GRK3: variants seen among roughly 807,000 people sequenced by gnomAD.
GRK3 encodes G protein-coupled receptor kinase 3.
In GRK3, 54 loss-of-function variants were observed where a neutral mutation model predicts 95.7. The observed-to-expected ratio is 0.56, with a 90% CI of 0.45 to 0.71. The LOEUF is 0.71. Ranked by LOEUF, GRK3 falls within the 30% of genes least tolerant of loss-of-function variation. The probability of loss-of-function intolerance (pLI) is 0.00; values close to 1 mark genes in which losing one functional copy is unlikely to be tolerated. For synonymous variants in GRK3, 281 were observed against 290.8 expected, an observed-to-expected ratio of 0.97 and a Z score of 0.34; for missense variants, 649 against 851.2, an observed-to-expected ratio of 0.76 and a Z score of 2.96.
At chr22:25,641,413 T>C (rs1199664100) in intron 2 of GRK3, among the ~76,000 whole-genome samples, 1 of 152,204 alleles carries the variant, frequency 6.6e-6, no homozygotes, top group Non-Finnish European at 1.5e-5. Context: ...CTGAGCTCTG[T>C]CTTTGTTACA....
At chr22:25,581,920 GCTTT>G (rs1377000661) in intron 1 of GRK3, among the ~76,000 whole-genome samples, 8 of 152,028 alleles carry the variant, frequency 5.3e-5, no homozygotes, top group Non-Finnish European at 8.8e-5. Context: ...TATGTTAACA[GCTTT>G]CTATTTTTAA....
intron 2 of GRK3, among the ~76,000 whole-genome samples, chr22:25,633,115 C>A (rs2084675844): frequency 6.6e-6 from 1 of 151,788 alleles, no homozygotes; most frequent in South Asian, 2.1e-4. Flanking sequence ...CAGGGTGTCA[C>A]CATGTTGGCT....
At chr22:25,648,583 TA>T (rs1423133458) in intron 3 of GRK3, 2 of 1,292,228 alleles carry the variant, frequency 1.5e-6, no homozygotes, top group Non-Finnish European at 2.2e-6. Context: ...ATGAAAAAAA[TA>T]AGACATGGTA....
intron 3 of GRK3, 40 bp downstream of exon 3, chr22:25,644,705 G>C (rs200176839): frequency 4.7e-4 from 506 of 1,070,646 alleles, no homozygotes; most frequent in Middle Eastern, 7.4e-4. Flanking sequence ...TCTTTCAAAA[G>C]CATATTTAAA....
At chr22:25,592,319 TA>T (rs2146328739) in intron 1 of GRK3, among the ~76,000 whole-genome samples, 1 of 152,362 alleles carries the variant, frequency 6.6e-6, no homozygotes, top group South Asian at 2.1e-4. Flanking sequence ...GCCCATTTTT[TA>T]TTAGGTTATT....
intron 2 of GRK3, among the ~76,000 whole-genome samples, chr22:25,611,831 C>CTTTTTTT (rs752711382): frequency 1.7e-5 from 2 of 118,774 alleles, no homozygotes; most frequent in Non-Finnish European, 3.5e-5. Context: ...AGTTTAGTGT[C>CTTTTTTT]TTTTTTTTTT....
intron 1 of GRK3, among the ~76,000 whole-genome samples, chr22:25,594,932 C>T (rs5761137): frequency 0.023 from 3,446 of 151,968 alleles, 61 homozygotes; most frequent in Middle Eastern, 0.068. Context: ...ATATGATCAT[C>T]TCAATAGACG....
intron 2 of GRK3, among the ~76,000 whole-genome samples, chr22:25,631,783 TTTCTG>T (rs1431950467): frequency 6.6e-6 from 1 of 152,200 alleles, no homozygotes; most frequent in Non-Finnish European, 1.5e-5. Flanking sequence ...ATGGACCTGT[TTTCTG>T]TTCCTGTGAT....
intron 2 of GRK3, among the ~76,000 whole-genome samples, chr22:25,607,285 A>C (rs375105702): frequency 7.0e-6 from 1 of 142,182 alleles, no homozygotes; most frequent in African/African-American, 2.7e-5. Context: ...CCCAAACGTG[A>C]AATTTATCAT....
intron 12 of GRK3, among the ~76,000 whole-genome samples, chr22:25,694,715 G>C (rs551167601): frequency 1.3e-5 from 2 of 152,076 alleles, no homozygotes; most frequent in Admixed American, 1.3e-4. Context: ...GGTCCACAGC[G>C]CCGCAGCGTG....
At chr22:25,647,180 C>T (rs1437611118) in intron 3 of GRK3, 1 of 157,842 alleles carries the variant, frequency 6.3e-6, no homozygotes, top group Non-Finnish European at 1.4e-5. Context: ...CCGGGCCTCA[C>T]CTCCACCCAC....
At chr22:25,582,841 A>G (rs1932149460) in intron 1 of GRK3, among the ~76,000 whole-genome samples, 1 of 152,210 alleles carries the variant, frequency 6.6e-6, no homozygotes, top group Non-Finnish European at 1.5e-5. Context: ...AATACAAAAA[A>G]GGAATATATT....
At chr22:25,686,099 A>G (rs1030216678) in intron 10 of GRK3, among the ~76,000 whole-genome samples, 3 of 151,630 alleles carry the variant, frequency 2.0e-5, no homozygotes, top group Admixed American at 1.3e-4. Context: ...GTGGGCGCCT[A>G]TAGTCCCAGC....
At chr22:25,704,024 C>G in intron 14 of GRK3, 85 bp from the exon 15 acceptor site, 1 of 939,418 alleles carries the variant, frequency 1.1e-6, no homozygotes, top group Non-Finnish European at 1.7e-6. Context: ...CTATGCTTAT[C>G]CCAGTAATAG....
Position 25,718,368 on chromosome 22 carries a change from A to G in GRK3, c.1778A>G (p.Glu593Gly). The G allele has an allele frequency of 6.2e-7, 1 of 1,614,088 alleles. No individual in the cohort carries two copies. Among genetic ancestry groups the G allele is most frequent in the Non-Finnish European group, 8.5e-7 (1 of 1,179,980 alleles). The change falls in exon 19 of 21, where the codon GAG becomes GGG. Residue 593 changes from glutamate (E) to glycine (G), a missense_variant. Physicochemically the swap from Glu to Gly is moderately conservative, Grantham distance 98 (BLOSUM62 -2). Around this residue, in one of 3 missense-constraint regions of GRK3, gnomAD observed 382 missense variants for 493.8 expected, o/e 0.77. Coordinates refer to ENST00000324198, the MANE Select transcript of GRK3 (RefSeq NM_005160.4). ...LFPNRLEWRGEGESRQNLLTM... is the reference protein window; with the variant it reads ...LFPNRLEWRGGGESRQNLLTM... ...CCAAATAGACTTGAATGGAGAGGAG[A>G]GGGAGAGTCCCGGGTAAGTCTAAGG...
intron 8 of GRK3, among the ~76,000 whole-genome samples, chr22:25,675,452 G>A (rs2085020687): frequency 6.6e-6 from 1 of 152,076 alleles, no homozygotes. Context: ...TTAAGTGTGG[G>A]GGAACATTTT....
chr22:25,690,250 G>A lies in GRK3; in HGVS notation c.1019G>A (p.Cys340Tyr), dbSNP rs776379149. The change falls in exon 12 of 21, where the codon TGC (cysteine) becomes TAC (tyrosine). Residue 340 changes from cysteine to tyrosine, a missense_variant. By Grantham distance (194) the Cys-to-Tyr change is radical (BLOSUM62 -2). Around this residue, in one of 3 missense-constraint regions of GRK3, gnomAD observed 382 missense variants for 493.8 expected, o/e 0.77. Coordinates refer to ENST00000324198, the MANE Select transcript of GRK3 (RefSeq NM_005160.4). ...AGAATATCAGATCTTGGTCTTGCCT[G>A]CGATTTTTCCAAAAAGAAGCCTCAT... ...HARISDLGLA[C>Y]DFSKKKPHAS... 1 of 1,614,094 alleles carries A rather than the reference G, an allele frequency of 6.2e-7. No homozygotes were observed. The highest frequency in any genetic ancestry group is 8.5e-7 in the Non-Finnish European group (1 of 1,179,966).
At chr22:25,587,994 T>A (rs555789478) in intron 1 of GRK3, among the ~76,000 whole-genome samples, 1 of 152,318 alleles carries the variant, frequency 6.6e-6, no homozygotes, top group East Asian at 1.9e-4. Context: ...CAATGGAGTT[T>A]CACCATGTTG....
At chr22:25,620,278 G>A (rs796126070) in intron 2 of GRK3, among the ~76,000 whole-genome samples, 6 of 152,182 alleles carry the variant, frequency 3.9e-5, no homozygotes, top group African/African-American at 1.4e-4. Context: ...CATAGCCCGC[G>A]AAAAAGCTGG....
Sources: allele counts gnomAD v4.1 joint callset (sites outside exome capture counted in the v4.1 genomes callset), GRCh38; gene constraint gnomAD v4.1.1; regional missense constraint gnomAD v4.1.1; transcripts MANE v1.5; gene names NCBI Gene and HGNC (gene_info 2026-07-23, HGNC 2026-07-21).